ST6GAL1: variants seen among roughly 807,000 people sequenced by gnomAD.
The protein encoded by ST6GAL1 is ST6 beta-galactoside alpha-2,6-sialyltransferase 1.
ST6GAL1 carries 20 observed loss-of-function variants against 38.0 expected under a neutral mutation model. The ratio of observed to expected loss-of-function variants is 0.53; its 90% CI spans 0.37 to 0.77. ST6GAL1 has a LOEUF of 0.77. Ranked by LOEUF, ST6GAL1 falls within the 30% of genes least tolerant of loss-of-function variation. ST6GAL1 has a pLI of 0.00. For synonymous variants in ST6GAL1, 196 were observed against 188.2 expected, an observed-to-expected ratio of 1.04 and a Z score of -0.34; for missense variants, 432 against 496.4, an observed-to-expected ratio of 0.87 and a Z score of 1.23.
At chr3:187,003,738 C>T (rs1235215015) in intron 2 of ST6GAL1, among the ~76,000 whole-genome samples, 3 of 152,074 alleles carry the variant, frequency 2.0e-5, no homozygotes, top group African/African-American at 4.8e-5. Context: ...ATTGAAAATC[C>T]GTCAGACAGC....
chr3:186,996,705 T>C (rs1404671846), intron 2 of ST6GAL1: 1 of 152,120 alleles, frequency 6.6e-6, no homozygotes, highest in Non-Finnish European at 1.5e-5. Context: ...ATCTCATAGG[T>C]GGCCCACTGT....
intron 2 of ST6GAL1, among the ~76,000 whole-genome samples, chr3:187,015,834 G>A (rs1579323505): frequency 6.6e-6 from 1 of 152,106 alleles, no homozygotes; most frequent in East Asian, 1.9e-4. Context: ...GTGACAACTT[G>A]TCTCAGGAAA....
intron 1 of ST6GAL1, among the ~76,000 whole-genome samples, chr3:186,942,746 A>T (rs1378874837): frequency 2.6e-5 from 4 of 152,124 alleles, no homozygotes; most frequent in Non-Finnish European, 5.9e-5. Flanking sequence ...CTCTCATCCA[A>T]TCATCACAGG....
At position 186,952,363 on chromosome 3, in the gene ST6GAL1, T is replaced by A. The variant is rs1714606040; in HGVS notation, c.-324-11422T>A. Among the ~76,000 whole-genome samples the A allele has an allele frequency of 6.6e-6, 1 of 152,214 alleles. No individual in the cohort carries two copies. The highest frequency in any genetic ancestry group is 1.9e-4 in the East Asian group (1 of 5,200). ...CCCTATCTTGACTGATCAGCAACTT[T>A]TGATACAATTGACCATTCCATCCTC... On this transcript the variant is annotated intron_variant, in intron 1 of 7. Coordinates refer to ENST00000169298, the MANE Select transcript of ST6GAL1 (RefSeq NM_173216.2). This position sits in a 1 kb window ranked among gnomAD's most constrained non-coding sequence, Gnocchi z 4.1.
intron 2 of ST6GAL1, among the ~76,000 whole-genome samples, chr3:186,991,831 G>T (rs1319646046): frequency 1.3e-5 from 2 of 152,132 alleles, no homozygotes; most frequent in African/African-American, 2.4e-5. Context: ...GAGCCACAGA[G>T]CTTGACTCTG....
intron 2 of ST6GAL1, among the ~76,000 whole-genome samples, chr3:187,007,293 C>G (rs1209913815): frequency 6.6e-6 from 1 of 152,190 alleles, no homozygotes; most frequent in Non-Finnish European, 1.5e-5. Context: ...AAGGGATCCA[C>G]AAATTGGACT....
intron 2 of ST6GAL1, among the ~76,000 whole-genome samples, chr3:187,016,321 G>T (rs1387725235): frequency 1.3e-5 from 2 of 152,162 alleles, no homozygotes; most frequent in Admixed American, 6.5e-5. Flanking sequence ...ACAGAGAAGG[G>T]ATATAATCTT....
At chr3:187,059,899 G>T (rs1044083066) in intron 5 of ST6GAL1, among the ~76,000 whole-genome samples, 1 of 152,202 alleles carries the variant, frequency 6.6e-6, no homozygotes, top group Non-Finnish European at 1.5e-5. Context: ...TACTAGGAGA[G>T]CCCTGAAAGG....
chr3:186,980,377 G>A (rs191222673), intron 2 of ST6GAL1, among the ~76,000 whole-genome samples: 2 of 152,206 alleles, frequency 1.3e-5, no homozygotes, highest in Non-Finnish European at 1.5e-5. Context: ...TTAGCTGTTA[G>A]TATTATAATA....
intron 2 of ST6GAL1, among the ~76,000 whole-genome samples, chr3:186,968,616 T>C (rs1294978562): frequency 1.3e-5 from 2 of 152,210 alleles, no homozygotes; most frequent in East Asian, 1.9e-4. Context: ...TGGAGCTTTA[T>C]GTAAATGGAA....
chr3:186,948,559 GTGTGTGTGTGTCTGTGTGTGTA>G (rs2108519420), intron 1 of ST6GAL1: 1 of 76,332 alleles, frequency 1.3e-5, no homozygotes, highest in Non-Finnish European at 3.0e-5. Context: ...GTGTGTGTGT[GTGTGTGTGTGTCTGTGTGTGTA>G]TGTGGTCGTT....
At chr3:186,977,292 C>A (rs1715552065) in intron 2 of ST6GAL1, among the ~76,000 whole-genome samples, 1 of 152,188 alleles carries the variant, frequency 6.6e-6, no homozygotes, top group Admixed American at 6.5e-5. Flanking sequence ...TTTCCCTTAG[C>A]CACCACCGCT....
intron 1 of ST6GAL1, among the ~76,000 whole-genome samples, chr3:186,934,202 G>A (rs1176159652): frequency 6.6e-6 from 1 of 152,186 alleles, no homozygotes; most frequent in Non-Finnish European, 1.5e-5. Flanking sequence ...GGCCATAGGA[G>A]GGGTTTGGGG....
In ST6GAL1 at chr3:187,075,295, A is replaced by G. The variant is rs1719522482; in HGVS notation, c.980-267A>G. Among the ~76,000 whole-genome samples the G allele has an allele frequency of 6.6e-6, 1 of 152,174 alleles. No homozygotes were observed. Among genetic ancestry groups the G allele is most frequent in the Non-Finnish European group, 1.5e-5 (1 of 68,028 alleles). On this transcript the variant is annotated intron_variant, in intron 7 of 7. Transcript: ENST00000169298. The surrounding 1 kb of genome is among the most constrained non-coding windows in gnomAD (Gnocchi z 4.1). ...GATTGATGGAGTCATTTAATCTACTAGCATTTAGGGAGGATCTATTATTCA... is the reference window on the plus strand; with the variant it reads ...GATTGATGGAGTCATTTAATCTACTGGCATTTAGGGAGGATCTATTATTCA...
At chr3:186,988,927 AAAACC>A (rs774686664) in intron 2 of ST6GAL1, among the ~76,000 whole-genome samples, 4 of 152,160 alleles carry the variant, frequency 2.6e-5, no homozygotes, top group Non-Finnish European at 5.9e-5. Context: ...GTCAAAACAA[AAAACC>A]AAACCAAACC....
intron 1 of ST6GAL1, among the ~76,000 whole-genome samples, chr3:186,944,120 C>T (rs548351824): frequency 6.6e-6 from 1 of 152,176 alleles, no homozygotes; most frequent in Admixed American, 6.5e-5. Context: ...AATCAGTAAT[C>T]CAGAAGTCTT....
At chr3:187,023,998 C>A (rs576757730) in intron 2 of ST6GAL1, among the ~76,000 whole-genome samples, 1 of 151,878 alleles carries the variant, frequency 6.6e-6, no homozygotes, top group Non-Finnish European at 1.5e-5. Context: ...CTATTCATTT[C>A]CTCACCTCCA....
chr3:187,056,678 G>A (rs1718713105), intron 5 of ST6GAL1, among the ~76,000 whole-genome samples: 1 of 152,218 alleles, frequency 6.6e-6, no homozygotes, highest in South Asian at 2.1e-4. Context: ...TCTGCTGTTA[G>A]TCTGATGGGC....
At chr3:187,002,412 T>G (rs572777095) in intron 2 of ST6GAL1, among the ~76,000 whole-genome samples, 6 of 152,344 alleles carry the variant, frequency 3.9e-5, no homozygotes, top group Non-Finnish European at 7.3e-5. Flanking sequence ...CAAAAGACCC[T>G]TGAGCACAGC....
Sources: gnomAD v4.1 joint callset for allele counts (sites outside exome capture counted in the v4.1 genomes callset) on GRCh38, gnomAD v4.1.1 for gene constraint, Gnocchi (gnomAD v3.1) non-coding constraint, MANE v1.5 for transcripts, NCBI Gene and HGNC (gene_info 2026-07-23, HGNC 2026-07-21) for gene names.